The following DEPDC5 variants were observed in gnomAD, a reference collection of about 807,000 sequenced individuals.
DEPDC5 encodes the protein DEP domain containing 5, GATOR1 subcomplex subunit.
Under a neutral mutation model 217.3 loss-of-function variants are expected in DEPDC5, and 73 were observed. The observed-to-expected ratio is 0.34, with a 90% CI of 0.28 to 0.41. The LOEUF (loss-of-function observed/expected upper bound fraction) is 0.41. DEPDC5 is among the 10% of genes least tolerant of loss of function. The probability of loss-of-function intolerance (pLI) is 1.00; values close to 1 mark genes in which losing one functional copy is unlikely to be tolerated. For missense variants in DEPDC5, 1,675 were observed against 2,070.1 expected (o/e 0.81, Z 3.70); for synonymous variants, 733 against 756.7 (o/e 0.97, Z 0.51).
At chr22:31,758,781 G>C in intron 3 of DEPDC5, 148 bp downstream of exon 3, 1 of 742,526 alleles carries the variant, frequency 1.3e-6, no homozygotes, top group Non-Finnish European at 2.2e-6. Flanking sequence ...GAGGTGGGTA[G>C]GTCATTTGAG....
At chr22:31,794,923 A>G (rs750809298) in intron 12 of DEPDC5, among the ~76,000 whole-genome samples, 4 of 152,164 alleles carry the variant, frequency 2.6e-5, no homozygotes, top group Non-Finnish European at 5.9e-5. Flanking sequence ...GCACACCAGT[A>G]TAGTTTAGTA....
chr22:31,843,314 G>A (rs998829620), intron 28 of DEPDC5, 102 bp downstream of exon 28: 1 of 1,266,390 alleles, frequency 7.9e-7, no homozygotes, highest in Non-Finnish European at 1.1e-6. Context: ...AAGTTCAGTG[G>A]TTGGTTTTTC....
In DEPDC5 at chr22:31,768,998, C is replaced by T. The variant is rs1253683817; in HGVS notation, c.413+135C>T. ...ATTGTTGGCTGGCCACAGTGGCTCA[C>T]GCCTGTAATCCTAGCACTTTGGGAG... On this transcript the variant is annotated intron_variant, in intron 7 of 42. Coordinates refer to ENST00000651528, the MANE Select transcript of DEPDC5 (RefSeq NM_001242896.3). 79 of 1,153,278 alleles carry T rather than the reference C, an allele frequency of 6.9e-5. 1 individual carries two copies. The East Asian group carries it at 1.5e-3, about 22-fold the overall frequency. 71.4% of individuals were successfully genotyped at this position (1,153,278 alleles called of 1,614,324 possible).
At chr22:31,777,251 C>T (rs1460909151) in intron 7 of DEPDC5, among the ~76,000 whole-genome samples, 1 of 143,048 alleles carries the variant, frequency 7.0e-6, no homozygotes, top group Non-Finnish European at 1.5e-5. Context: ...TGAACCACTG[C>T]ACCTGGCCCT....
chr22:31,774,094 A>G (rs1176642325), intron 7 of DEPDC5, among the ~76,000 whole-genome samples: 2 of 152,016 alleles, frequency 1.3e-5, no homozygotes, highest in Admixed American at 1.3e-4. Flanking sequence ...CAAAACAACA[A>G]CAACAACAAA....
chr22:31,799,869 A>T (rs1379671474), intron 14 of DEPDC5, among the ~76,000 whole-genome samples: 2 of 121,330 alleles, frequency 1.6e-5, no homozygotes, highest in Admixed American at 2.0e-4. Context: ...GTGCAATGGC[A>T]TGATCTCCCT....
intron 33 of DEPDC5, among the ~76,000 whole-genome samples, chr22:31,867,612 G>C (rs946520529): frequency 9.2e-5 from 14 of 152,194 alleles, no homozygotes; most frequent in Admixed American, 5.2e-4. Flanking sequence ...TATTGTAATA[G>C]AGCCACACCC....
intron 10 of DEPDC5, among the ~76,000 whole-genome samples, chr22:31,791,808 T>A (rs1245307845): frequency 4.7e-5 from 7 of 148,064 alleles, no homozygotes; most frequent in Admixed American, 4.2e-4. Context: ...GCGTCTGTAG[T>A]CCCAGCTACT....
chr22:31,837,812 A>T (rs1405645189), intron 26 of DEPDC5, among the ~76,000 whole-genome samples: 2 of 151,774 alleles, frequency 1.3e-5, no homozygotes, highest in African/African-American at 4.8e-5. Flanking sequence ...AGCGATTCTC[A>T]CGTCTCAGCC....
intron 33 of DEPDC5, among the ~76,000 whole-genome samples, chr22:31,862,375 G>A (rs1235061305): frequency 6.6e-6 from 1 of 152,086 alleles, no homozygotes; most frequent in Non-Finnish European, 1.5e-5. Flanking sequence ...GACCAGCTGG[G>A]CCAACATGGC....
intron 29 of DEPDC5, 23 bp from the exon 30 acceptor site, chr22:31,844,995 C>T: frequency 6.2e-7 from 1 of 1,612,928 alleles, no homozygotes; most frequent in Non-Finnish European, 8.5e-7. Context: ...CACCACCACC[C>T]TGTGTTTTCC....
chr22:31,898,594 G>A (rs2093594762), intron 40 of DEPDC5, among the ~76,000 whole-genome samples: 1 of 152,172 alleles, frequency 6.6e-6, no homozygotes. Context: ...CGTGATCAGC[G>A]GCAGAGAACC....
intron 38 of DEPDC5, among the ~76,000 whole-genome samples, chr22:31,893,100 T>G (rs1569222153): frequency 6.6e-6 from 1 of 152,020 alleles, no homozygotes. Context: ...GGTCTCGATC[T>G]CTTGACCTCG....
intron 29 of DEPDC5, chr22:31,844,658 T>C (rs1182015734): frequency 4.2e-6 from 1 of 237,934 alleles, no homozygotes; most frequent in East Asian, 1.5e-4. Context: ...CTGATATCTC[T>C]GGAATCAAAG....
At chr22:31,802,870 CAT>C (rs760169889) in intron 15 of DEPDC5, 32 bp downstream of exon 15, 1 of 1,560,684 alleles carries the variant, frequency 6.4e-7, no homozygotes, top group Non-Finnish European at 8.7e-7. Context: ...CCTGTCTCCA[CAT>C]GTTCCTAGCC....
chr22:31,863,652 T>A (rs1010052242), intron 33 of DEPDC5, among the ~76,000 whole-genome samples: 4 of 152,100 alleles, frequency 2.6e-5, no homozygotes, highest in Non-Finnish European at 4.4e-5. Context: ...TGTAATTTTT[T>A]AAAAATATAT....
chr22:31,836,972 T>C lies in DEPDC5; in HGVS notation c.2171T>C (p.Ile724Thr), dbSNP rs1156396800. Residue 724 changes from isoleucine to threonine, a missense_variant and splice_region_variant, in exon 26 of 43, where the codon ATT (isoleucine) becomes ACT (threonine). Around this residue, in one of 11 missense-constraint regions of DEPDC5, gnomAD observed 136 missense variants for 132.2 expected, o/e 1.03. Coordinates refer to ENST00000651528, the MANE Select transcript of DEPDC5 (RefSeq NM_001242896.3). ...EDSVSTSPDP[I>T]LTLSAPPVVP... ...CTTTTCCCCCTGTTACGTGAGGCAG[T>C]TCTGACACTGTCTGCTCCCCCTGTA... 1 of 1,608,462 alleles carries C rather than the reference T, an allele frequency of 6.2e-7. No homozygotes were observed. Among genetic ancestry groups the C allele is most frequent in the Admixed American group, 1.7e-5 (1 of 59,766 alleles).
chr22:31,804,745 A>G lies in DEPDC5; in HGVS notation c.1144-97A>G, dbSNP rs2087303656. The stretch of plus-strand genomic sequence containing the variant: ...ATGACCCACAGCGCCCAGCCCTAAA[A>G]AATTTTTTTTAAAAACCTGAAAAAC... On this transcript the variant is annotated intron_variant, in intron 16 of 42. Coordinates refer to ENST00000651528, the MANE Select transcript of DEPDC5 (RefSeq NM_001242896.3). 8 of 1,334,648 alleles carry G rather than the reference A, an allele frequency of 6.0e-6. No individual in the cohort carries two copies. The South Asian group carries it at 8.9e-5, about 15-fold the overall frequency. The allele number at this position is 1,334,648 out of a possible 1,614,324, so 82.7% of individuals were successfully genotyped here.
intron 41 of DEPDC5, among the ~76,000 whole-genome samples, chr22:31,902,408 T>TTTTATATATATATATATATATATA (rs1491391820): frequency 2.6e-4 from 29 of 111,944 alleles, no homozygotes; most frequent in Non-Finnish European, 3.4e-4. Context: ...CATCTCCTTA[T>TTTTATATATATATATATATATATA]TATATATATA....
Sources: allele counts gnomAD v4.1 joint callset (sites outside exome capture counted in the v4.1 genomes callset), GRCh38; gene constraint gnomAD v4.1.1; regional missense constraint gnomAD v4.1.1; transcripts MANE v1.5; gene names NCBI Gene and HGNC (gene_info 2026-07-23, HGNC 2026-07-21).